Variants in CERS6 observed in about 807,000 individuals in gnomAD.
The protein encoded by CERS6 is LAG1 homolog, ceramide synthase 6.
Under a neutral mutation model 56.8 loss-of-function variants are expected in CERS6, and 26 were observed. The ratio of observed to expected loss-of-function variants is 0.46; its 90% CI spans 0.34 to 0.63. The LOEUF (loss-of-function observed/expected upper bound fraction) is 0.63, where lower values mean the gene tolerates loss of function less well. Among genes scored for constraint, CERS6 ranks in the 30% least tolerant of loss-of-function variants. The pLI, the probability that CERS6 is intolerant of heterozygous loss-of-function variation, is 0.01. For missense variants in CERS6, 415 were observed against 467.5 expected, an observed-to-expected ratio of 0.89 and a Z score of 1.04; for synonymous variants, 164 against 173.3, an observed-to-expected ratio of 0.95 and a Z score of 0.42.
chr2:168,741,619 A>G (rs1245616856), intron 8 of CERS6, among the ~76,000 whole-genome samples: 1 of 152,234 alleles, frequency 6.6e-6, no homozygotes, highest in African/African-American at 2.4e-5. Context: ...ACAAGCTCGA[A>G]TTAGAGAATC....
intron 2 of CERS6, among the ~76,000 whole-genome samples, chr2:168,558,162 G>A (rs970709580): frequency 2.6e-5 from 4 of 152,198 alleles, no homozygotes; most frequent in African/African-American, 9.6e-5. Context: ...GCTCTTGCTT[G>A]TGAGTATAAA....
At chr2:168,739,769 A>C (rs975271674) in intron 8 of CERS6, among the ~76,000 whole-genome samples, 2 of 151,080 alleles carry the variant, frequency 1.3e-5, no homozygotes, top group African/African-American at 2.4e-5. Context: ...TTTTTGAGAC[A>C]GAGTCTCGCT....
chr2:168,710,373 G>A (rs1687060200), intron 6 of CERS6, among the ~76,000 whole-genome samples: 1 of 152,160 alleles, frequency 6.6e-6, no homozygotes, highest in African/African-American at 2.4e-5. Context: ...CTGAACAATA[G>A]AAAATGTGGA....
At chr2:168,548,659 T>C (rs930784569) in intron 2 of CERS6, among the ~76,000 whole-genome samples, 1 of 152,260 alleles carries the variant, frequency 6.6e-6, no homozygotes, top group Non-Finnish European at 1.5e-5. Flanking sequence ...TTTCTTTTCT[T>C]GGTATTTGTG....
chr2:168,769,761 G>A lies in CERS6; in HGVS notation c.*99G>A. ...TTCCTTTCATAATATCTCAGCACCA[G>A]AAACAAAAATTAAGATTATCAAAGC... On this transcript the variant is annotated 3_prime_UTR_variant, in exon 10 of 10. Coordinates refer to ENST00000305747, the MANE Select transcript of CERS6 (RefSeq NM_203463.3). The A allele has an allele frequency of 7.9e-7, 1 of 1,270,318 alleles. No individual in the cohort carries two copies. Among genetic ancestry groups the A allele is most frequent in the African/African-American group, 1.5e-5 (1 of 66,356 alleles). 78.7% of individuals were successfully genotyped at this position (1,270,318 alleles called of 1,614,324 possible). A position where few individuals can be genotyped will look rare whatever the true frequency, so the allele number is the denominator to read the frequency against.
intron 5 of CERS6, 74 bp from the exon 6 acceptor site, chr2:168,694,885 G>A (rs1686603009): frequency 8.7e-7 from 1 of 1,153,158 alleles, no homozygotes; most frequent in Non-Finnish European, 1.3e-6. Flanking sequence ...TGAGCAGTGA[G>A]CTTGAGATGT....
In CERS6 at chr2:168,745,504, G is replaced by A. The variant is rs528860953; in HGVS notation, c.846-20088G>A. Among the ~76,000 whole-genome samples the A allele has an allele frequency of 3.3e-5, 5 of 152,230 alleles. No homozygotes were observed. The East Asian group carries it at 7.7e-4, about 24-fold the overall frequency. On this transcript the variant is annotated intron_variant, in intron 8 of 9. Coordinates refer to ENST00000305747, the MANE Select transcript of CERS6 (RefSeq NM_203463.3). ...GATCCGCCCATCTCGGCCTCCCTAAGTGCTGGGATTACAGGCGTGAACCAC... is the reference window on the plus strand; with the variant it reads ...GATCCGCCCATCTCGGCCTCCCTAAATGCTGGGATTACAGGCGTGAACCAC...
At chr2:168,596,986 T>C (rs768231561) in intron 3 of CERS6, among the ~76,000 whole-genome samples, 2 of 152,238 alleles carry the variant, frequency 1.3e-5, no homozygotes, top group Non-Finnish European at 1.5e-5. Context: ...AAAAATACAA[T>C]ACTGTGTTCA....
intron 3 of CERS6, among the ~76,000 whole-genome samples, chr2:168,595,861 G>A (rs894007185): frequency 2.0e-5 from 3 of 150,896 alleles, no homozygotes; most frequent in African/African-American, 7.3e-5. Flanking sequence ...TTTTCTTTTT[G>A]GCAGACCTTA....
At chr2:168,613,425 A>G (rs1427880699) in intron 3 of CERS6, among the ~76,000 whole-genome samples, 2 of 152,228 alleles carry the variant, frequency 1.3e-5, no homozygotes, top group Non-Finnish European at 1.5e-5. Context: ...TCTGTGCACA[A>G]GGCAAGAGAA....
At chr2:168,587,316 A>C (rs1416110528) in intron 3 of CERS6, among the ~76,000 whole-genome samples, 1 of 152,210 alleles carries the variant, frequency 6.6e-6, no homozygotes, top group Non-Finnish European at 1.5e-5. Flanking sequence ...GATTTCATGA[A>C]ATTGTGTTAC....
intron 3 of CERS6, among the ~76,000 whole-genome samples, chr2:168,595,862 G>A (rs1263953658): frequency 6.6e-6 from 1 of 151,440 alleles, no homozygotes; most frequent in African/African-American, 2.4e-5. Flanking sequence ...TTTCTTTTTG[G>A]CAGACCTTAT....
intron 1 of CERS6, among the ~76,000 whole-genome samples, chr2:168,461,222 T>C (rs1237050479): frequency 6.6e-6 from 1 of 152,154 alleles, no homozygotes; most frequent in Non-Finnish European, 1.5e-5. Context: ...CAATCAGTGC[T>C]GGATGTTAAA....
At chr2:168,745,426 A>G (rs1442161007) in intron 8 of CERS6, among the ~76,000 whole-genome samples, 1 of 152,030 alleles carries the variant, frequency 6.6e-6, no homozygotes, top group Non-Finnish European at 1.5e-5. Context: ...TATTTTTAGT[A>G]GAGACGGGGT....
chr2:168,768,966 C>G (rs1380990121), intron 9 of CERS6, among the ~76,000 whole-genome samples: 2 of 146,386 alleles, frequency 1.4e-5, no homozygotes, highest in Admixed American at 1.4e-4. Flanking sequence ...TGTTGTGTGA[C>G]ATACAGAACA....
chr2:168,655,161 T>C (rs1473667422), intron 4 of CERS6, among the ~76,000 whole-genome samples: 1 of 151,950 alleles, frequency 6.6e-6, no homozygotes, highest in Non-Finnish European at 1.5e-5. Context: ...AGCAGGGAAA[T>C]ATAGATTAAA....
At chr2:168,728,321 C>G (rs1683409223) in intron 8 of CERS6, among the ~76,000 whole-genome samples, 1 of 146,828 alleles carries the variant, frequency 6.8e-6, no homozygotes, top group Non-Finnish European at 1.5e-5. Flanking sequence ...GTACTGAATA[C>G]ATTCAGACTT....
chr2:168,679,705 G>A lies in CERS6; in HGVS notation c.466-11329G>A, dbSNP rs145984414. Among the ~76,000 whole-genome samples, 34 of 152,298 alleles carry A rather than the reference G, an allele frequency of 2.2e-4. 1 individual carries two copies. The highest frequency in any genetic ancestry group is 7.9e-4 in the African/African-American group (33 of 41,548). On this transcript the variant is annotated intron_variant, in intron 4 of 9. Coordinates refer to ENST00000305747, the MANE Select transcript of CERS6 (RefSeq NM_203463.3). ...GCTTGGAATCAGGTCATTGGCCAAC[G>A]CTGTCAATTCTCTTTATAGTGTTTA...
chr2:168,695,873 CACAGATGATAGTACTGGTTGA>C (rs1382389416), intron 6 of CERS6, among the ~76,000 whole-genome samples: 1 of 152,138 alleles, frequency 6.6e-6, no homozygotes, highest in Non-Finnish European at 1.5e-5. Context: ...CATCTGTAGT[CACAGATGATAGTACTGGTTGA>C]ACATCCCTAA....
Sources: allele counts gnomAD v4.1 joint callset (sites outside exome capture counted in the v4.1 genomes callset), GRCh38; gene constraint gnomAD v4.1.1; transcripts MANE v1.5; gene names NCBI Gene and HGNC (gene_info 2026-07-23, HGNC 2026-07-21).